The following CORIN variants were observed in gnomAD, a reference collection of about 807,000 sequenced individuals.
CORIN encodes the protein atrial natriuretic peptide-converting enzyme.
A neutral mutation model predicts 125.3 loss-of-function variants in CORIN; 117 were observed. That is an observed-to-expected ratio of 0.93 (90% confidence interval 0.80 to 1.09). The LOEUF (loss-of-function observed/expected upper bound fraction) is 1.09, where lower values mean the gene tolerates loss of function less well. CORIN is among the 50% of genes least tolerant of loss of function. CORIN has a pLI of 0.00. For missense variants in CORIN, 1,253 were observed against 1,306.7 expected (o/e 0.96, Z 0.63); for synonymous variants, 450 against 466.4 (o/e 0.96, Z 0.45).
intron 1 of CORIN, among the ~76,000 whole-genome samples, chr4:47,831,168 A>G (rs988344801): frequency 6.6e-6 from 1 of 152,240 alleles, no homozygotes; most frequent in Non-Finnish European, 1.5e-5. Context: ...ATCCTCAACC[A>G]GCCTGATTAA....
chr4:47,837,770 A>G, intron 1 of CORIN, 117 bp downstream of exon 1: 4 of 910,882 alleles, frequency 4.4e-6, no homozygotes. Context: ...GCGGCTGGGG[A>G]AGGAGGTGGC....
At chr4:47,633,643 C>A in intron 16 of CORIN, among the ~76,000 whole-genome samples, 1 of 151,868 alleles carries the variant, frequency 6.6e-6, no homozygotes, top group East Asian at 1.9e-4. Context: ...TGGGACAACA[C>A]TTTTTTTTGA....
At position 47,813,296 on chromosome 4, in the gene CORIN, A is replaced by C. The variant is rs577387711; in HGVS notation, c.64-6249T>G. Among the ~76,000 whole-genome samples the C allele has an allele frequency of 2.6e-5, 4 of 152,358 alleles. No individual in the cohort carries two copies. The East Asian group carries it at 7.7e-4, about 29-fold the overall frequency. On this transcript the variant is annotated intron_variant, in intron 1 of 21. Coordinates refer to ENST00000273857, the MANE Select transcript of CORIN (RefSeq NM_006587.4). Reference sequence around the variant, plus strand: ...CCCTTGAGTCACTGCAGCAACCTGGAATACAACAGCACACAGTTTGGAAAC... The same window carrying C: ...CCCTTGAGTCACTGCAGCAACCTGGCATACAACAGCACACAGTTTGGAAAC...
chr4:47,675,327 A>T (rs1724965634), intron 9 of CORIN, among the ~76,000 whole-genome samples: 1 of 152,206 alleles, frequency 6.6e-6, no homozygotes. Flanking sequence ...GTATGTGTGT[A>T]TGTATAATCA....
intron 3 of CORIN, among the ~76,000 whole-genome samples, chr4:47,778,705 C>T (rs1730401656): frequency 1.3e-5 from 2 of 152,162 alleles, no homozygotes; most frequent in African/African-American, 4.8e-5. Context: ...GTCTGAATCT[C>T]ATAATTGTTC....
chr4:47,722,105 T>G, intron 5 of CORIN, among the ~76,000 whole-genome samples: 1 of 152,238 alleles, frequency 6.6e-6, no homozygotes, highest in Non-Finnish European at 1.5e-5. Flanking sequence ...TATGAGTACA[T>G]GTATTCCCAT....
chr4:47,709,530 G>A (rs963153490), intron 5 of CORIN, among the ~76,000 whole-genome samples: 4 of 151,960 alleles, frequency 2.6e-5, no homozygotes, highest in East Asian at 1.9e-4. Flanking sequence ...GAGCTCAAGC[G>A]ACTCACCCAT....
At chr4:47,639,558 G>GA (rs1723159279) in intron 16 of CORIN, among the ~76,000 whole-genome samples, 1 of 152,228 alleles carries the variant, frequency 6.6e-6, no homozygotes, top group African/African-American at 2.4e-5. Flanking sequence ...GAATATGTCT[G>GA]AATGTACAAA....
intron 16 of CORIN, 121 bp downstream of exon 16, chr4:47,641,799 G>T: frequency 1.7e-6 from 2 of 1,197,354 alleles, no homozygotes; most frequent in Non-Finnish European, 2.3e-6. Flanking sequence ...TCATTTCCCG[G>T]GTTTTGAAGG....
chr4:47,634,420 G>C (rs1577763592), intron 16 of CORIN, among the ~76,000 whole-genome samples: 1 of 152,300 alleles, frequency 6.6e-6, no homozygotes, highest in East Asian at 1.9e-4. Flanking sequence ...GATCACGTGA[G>C]GTCGGGAGTT....
chr4:47,630,138 G>A (rs4695260), intron 16 of CORIN, among the ~76,000 whole-genome samples: 39,695 of 151,980 alleles, frequency 0.26, 5,414 homozygotes, highest in Admixed American at 0.36. Context: ...AGTTAATATC[G>A]TAAACATTCA....
intron 16 of CORIN, among the ~76,000 whole-genome samples, chr4:47,639,231 C>CTA (rs569595158): frequency 1.1e-3 from 161 of 152,320 alleles, no homozygotes; most frequent in Non-Finnish European, 1.7e-3. Context: ...CAAATTTATA[C>CTA]TATCAAGATA....
Position 47,706,879 on chromosome 4 carries a change from A to C in CORIN, c.800-13796T>G, listed in dbSNP as rs1277200423. Reference sequence around the variant, plus strand: ...TGCGTGGGCTGACATCTGCAGGCCGAAAGAGCCGTGGCCTTGGAAAGGGCC... The same window carrying C: ...TGCGTGGGCTGACATCTGCAGGCCGCAAGAGCCGTGGCCTTGGAAAGGGCC... On this transcript the variant is annotated intron_variant, in intron 5 of 21. Transcript: ENST00000273857. The C allele has an allele frequency of 3.8e-6, 6 of 1,599,022 alleles. No homozygotes were observed. The Admixed American group carries it at 1.0e-4, about 27-fold the overall frequency.
At chr4:47,681,846 C>T (rs1022957585) in intron 7 of CORIN, 5 of 152,264 alleles carry the variant, frequency 3.3e-5, no homozygotes, top group East Asian at 1.9e-4. Flanking sequence ...TGCACCCCCA[C>T]ATTCACTGCA....
chr4:47,743,852 T>C (rs952652692), intron 5 of CORIN, among the ~76,000 whole-genome samples: 2 of 150,578 alleles, frequency 1.3e-5, no homozygotes, highest in African/African-American at 2.4e-5. Context: ...GCCACTGCAC[T>C]CCAGCCTGGG....
intron 5 of CORIN, among the ~76,000 whole-genome samples, chr4:47,722,521 T>G (rs141429349): frequency 1.6e-3 from 237 of 152,338 alleles, no homozygotes; most frequent in Non-Finnish European, 2.5e-3. Flanking sequence ...TTAAAATATC[T>G]TCCATCTTGC....
At chr4:47,739,240 T>C (rs1270280410) in intron 5 of CORIN, among the ~76,000 whole-genome samples, 1 of 152,050 alleles carries the variant, frequency 6.6e-6, no homozygotes, top group Non-Finnish European at 1.5e-5. Context: ...GGATCTACAC[T>C]TAGACACATT....
chr4:47,608,767 G>T (rs1037432474), intron 19 of CORIN, among the ~76,000 whole-genome samples: 1 of 152,020 alleles, frequency 6.6e-6, no homozygotes, highest in African/African-American at 2.4e-5. Context: ...ACATATGTCA[G>T]ACACACTATA....
intron 10 of CORIN, 144 bp downstream of exon 10, chr4:47,674,249 C>T: frequency 1.6e-6 from 1 of 631,304 alleles, no homozygotes; most frequent in Admixed American, 2.7e-5. Flanking sequence ...ACTGCTACCA[C>T]ATGCGACCTT....
Sources: gnomAD v4.1 joint callset for allele counts (sites outside exome capture counted in the v4.1 genomes callset) on GRCh38, gnomAD v4.1.1 for gene constraint, MANE v1.5 for transcripts, NCBI Gene and HGNC (gene_info 2026-07-23, HGNC 2026-07-21) for gene names.